Variants in GYG1 observed in about 807,000 individuals in gnomAD.
The protein encoded by GYG1 is glycogenin 1.
A neutral mutation model predicts 41.9 loss-of-function variants in GYG1; 44 were observed. That is an observed-to-expected ratio of 1.05 (90% CI 0.83 to 1.35). GYG1 has a LOEUF of 1.35. Ranked by LOEUF, GYG1 falls within the 40% of genes most tolerant of loss-of-function variation. GYG1 has a pLI of 0.00. For missense variants in GYG1, 429 were observed against 418.9 expected, an observed-to-expected ratio of 1.02 and a Z score of -0.21; for synonymous variants, 141 against 158.1, an observed-to-expected ratio of 0.89 and a Z score of 0.81.
intron 4 of GYG1, among the ~76,000 whole-genome samples, chr3:149,003,440 C>A (rs1362329488): frequency 6.6e-6 from 1 of 152,166 alleles, no homozygotes; most frequent in Non-Finnish European, 1.5e-5. Context: ...CTTTGTCCAT[C>A]TGTCCCTTTT....
At chr3:149,000,125 A>C (rs1485598483) in intron 4 of GYG1, among the ~76,000 whole-genome samples, 2 of 152,180 alleles carry the variant, frequency 1.3e-5, no homozygotes, top group Non-Finnish European at 2.9e-5. Context: ...CCACCTCTCT[A>C]TTCTGTGACT....
chr3:148,998,659 C>T (rs1186229758), intron 4 of GYG1, among the ~76,000 whole-genome samples: 1 of 152,208 alleles, frequency 6.6e-6, no homozygotes, highest in Non-Finnish European at 1.5e-5. Context: ...CCGAATGAAA[C>T]TTCTTCGCTT....
rs1478813733 is a variant in GYG1, at chr3:149,028,239, A to AT, written c.*1308dup. Among the ~76,000 whole-genome samples the AT allele has an allele frequency of 6.6e-6, 1 of 152,204 alleles. No homozygotes were observed. Among genetic ancestry groups the AT allele is most frequent in the African/African-American group, 2.4e-5 (1 of 41,458 alleles). On this transcript the variant is annotated 3_prime_UTR_variant, in exon 8 of 8. Transcript: ENST00000345003. ...ACCCTCCTTATTCATATTGATGTGAATTAATATACAAGCATATAGACAGCT... is the reference window on the plus strand; with the variant it reads ...ACCCTCCTTATTCATATTGATGTGAATTTAATATACAAGCATATAGACAGCT...
intron 1 of GYG1, among the ~76,000 whole-genome samples, chr3:148,993,476 T>C (rs1712606192): frequency 6.6e-6 from 1 of 152,152 alleles, no homozygotes. Flanking sequence ...GAGGAGCTGA[T>C]ACTTGAGGAG....
chr3:149,004,607 CATTTA>C (rs1713291074), intron 4 of GYG1, among the ~76,000 whole-genome samples: 1 of 152,164 alleles, frequency 6.6e-6, no homozygotes, highest in African/African-American at 2.4e-5. Flanking sequence ...TTCTACATGG[CATTTA>C]ATTTATTTTT....
chr3:149,020,122 A>G (rs1285013328), intron 5 of GYG1, among the ~76,000 whole-genome samples: 1 of 151,930 alleles, frequency 6.6e-6, no homozygotes, highest in African/African-American at 2.4e-5. Flanking sequence ...TCTTGTTGTT[A>G]TTCCATTTTT....
intron 5 of GYG1, among the ~76,000 whole-genome samples, chr3:149,010,724 A>C (rs1713677839): frequency 6.6e-6 from 1 of 152,134 alleles, no homozygotes; most frequent in South Asian, 2.1e-4. Context: ...CCTCTGACTC[A>C]TTTGTGTTTA....
intron 5 of GYG1, among the ~76,000 whole-genome samples, chr3:149,023,351 C>T (rs1389681554): frequency 6.6e-6 from 1 of 152,204 alleles, no homozygotes; most frequent in Non-Finnish European, 1.5e-5. Context: ...AAATCTAATA[C>T]AGACATTTGG....
At chr3:148,996,250 C>T in intron 2 of GYG1, 52 bp from the exon 3 acceptor site, 1 of 1,302,940 alleles carries the variant, frequency 7.7e-7, no homozygotes. Flanking sequence ...GCAGATGGGT[C>T]ACTTGTTCTG....
intron 2 of GYG1, among the ~76,000 whole-genome samples, chr3:148,996,094 A>G (rs1458112774): frequency 6.6e-6 from 1 of 152,234 alleles, no homozygotes; most frequent in Non-Finnish European, 1.5e-5. Flanking sequence ...AGCAGTTCTT[A>G]CTACTTTAGT....
intron 5 of GYG1, among the ~76,000 whole-genome samples, chr3:149,013,783 G>A (rs1202177160): frequency 2.0e-5 from 3 of 151,734 alleles, no homozygotes; most frequent in South Asian, 4.2e-4. Context: ...ATTTTTCTTC[G>A]CTCCCTGAGA....
rs966647528 is a variant in GYG1 at position 149,031,515 on chromosome 3, T to C, written c.*4582T>C. ...GTTTGCCTCTCACTCCCACAGACTATATTTATACCTCAGACACAGCAAGTT... is the reference window on the plus strand; with the variant it reads ...GTTTGCCTCTCACTCCCACAGACTACATTTATACCTCAGACACAGCAAGTT... On this transcript the variant is annotated 3_prime_UTR_variant, in exon 8 of 8. Coordinates refer to ENST00000345003, the MANE Select transcript of GYG1 (RefSeq NM_004130.4). The C allele has an allele frequency of 6.6e-6, 1 of 152,642 alleles. No individual in the cohort carries two copies. The highest frequency in any genetic ancestry group is 2.4e-5 in the African/African-American group (1 of 41,464). 9.5% of individuals were successfully genotyped at this position (152,642 alleles called of 1,614,324 possible).
intron 4 of GYG1, among the ~76,000 whole-genome samples, chr3:148,997,830 G>A (rs559128833): frequency 2.0e-5 from 3 of 152,336 alleles, no homozygotes; most frequent in South Asian, 2.1e-4. Context: ...CTATTCACAT[G>A]GGGTTGGGCC....
At chr3:149,024,950 G>A (rs1714573573) in intron 6 of GYG1, among the ~76,000 whole-genome samples, 1 of 152,188 alleles carries the variant, frequency 6.6e-6, no homozygotes, top group Non-Finnish European at 1.5e-5. Flanking sequence ...GAATGGTGGT[G>A]AATTATAATC....
chr3:148,997,429 A>G (rs1219111608), intron 4 of GYG1, among the ~76,000 whole-genome samples: 1 of 152,214 alleles, frequency 6.6e-6, no homozygotes, highest in Non-Finnish European at 1.5e-5. Flanking sequence ...AGGCTGTCAG[A>G]GTAGTATCTG....
chr3:148,991,550 G>A lies in GYG1; in HGVS notation c.-91G>A, dbSNP rs937086246. The A allele has an allele frequency of 4.7e-6, 7 of 1,503,378 alleles. No individual in the cohort carries two copies. In the East Asian group the frequency reaches 1.5e-4, roughly 32 times the overall value. 93.1% of individuals were successfully genotyped at this position (1,503,378 alleles called of 1,614,324 possible). A position where few individuals can be genotyped will look rare whatever the true frequency, so the allele number is the denominator to read the frequency against. On this transcript the variant is annotated 5_prime_UTR_variant, in exon 1 of 8. Transcript: ENST00000345003. ...GGGCAGACGCTCGGTTCCCCGCCGT[G>A]CCTCCTCGCTGGCCGCGCTCCCTCC...
chr3:149,015,841 G>A (rs112897111), intron 5 of GYG1, among the ~76,000 whole-genome samples: 2,380 of 152,220 alleles, frequency 0.016, 74 homozygotes, highest in African/African-American at 0.053. Flanking sequence ...GCATGTTTTT[G>A]TATTGATAGG....
In GYG1 at chr3:148,994,289, G is replaced by A. The variant is rs758525579; in HGVS notation, c.143+12G>A. 43 of 1,613,524 alleles carry A rather than the reference G, an allele frequency of 2.7e-5. No individual in the cohort carries two copies. The highest frequency in any genetic ancestry group is 4.0e-5 in the African/African-American group (3 of 75,018). The stretch of plus-strand genomic sequence containing the variant: ...TCAGACTCCATGAGGTGAGGACCTC[G>A]CTGCCACCCCAGCATCCAAGGGGCT... On this transcript the variant is annotated intron_variant, in intron 2 of 7. Transcript: ENST00000345003.
In GYG1 at chr3:149,031,440, A is replaced by G. The variant is rs1715030570; in HGVS notation, c.*4507A>G. The G allele has an allele frequency of 6.6e-6, 1 of 152,630 alleles. No homozygotes were observed. Among genetic ancestry groups the G allele is most frequent in the Non-Finnish European group, 1.5e-5 (1 of 68,020 alleles). 9.5% of individuals were successfully genotyped at this position (152,630 alleles called of 1,614,324 possible). Reference sequence around the variant, plus strand: ...AAATTATCTATTTATAGAAATATCTATTTAGCAGTTCCATAATTTAAAATA... The same window carrying G: ...AAATTATCTATTTATAGAAATATCTGTTTAGCAGTTCCATAATTTAAAATA... On this transcript the variant is annotated 3_prime_UTR_variant, in exon 8 of 8. Transcript: ENST00000345003.
Sources: allele counts gnomAD v4.1 joint callset (sites outside exome capture counted in the v4.1 genomes callset), GRCh38; gene constraint gnomAD v4.1.1; transcripts MANE v1.5; gene names NCBI Gene and HGNC (gene_info 2026-07-23, HGNC 2026-07-21).